CNTN5: variants seen among roughly 807,000 people sequenced by gnomAD.
CNTN5 encodes the protein contactin-5.
Under a neutral mutation model 129.1 loss-of-function variants are expected in CNTN5, and 77 were observed. That is an observed-to-expected ratio of 0.60 (90% CI 0.50 to 0.72). CNTN5 has a LOEUF of 0.72. Among genes scored for constraint, CNTN5 ranks in the 30% least tolerant of loss-of-function variants. The pLI is 0.00. For synonymous variants in CNTN5, 509 were observed against 465.6 expected, an observed-to-expected ratio of 1.09 and a Z score of -1.20; for missense variants, 1,478 against 1,328.8, an observed-to-expected ratio of 1.11 and a Z score of -1.75.
At chr11:99,602,429 A>G (rs1950342442) in intron 3 of CNTN5, among the ~76,000 whole-genome samples, 1 of 152,172 alleles carries the variant, frequency 6.6e-6, no homozygotes. Flanking sequence ...GTGTTAGGTG[A>G]GCCAAGAACA....
intron 1 of CNTN5, among the ~76,000 whole-genome samples, chr11:99,169,221 TTAA>T (rs1413598555): frequency 6.6e-6 from 1 of 152,188 alleles, no homozygotes; most frequent in East Asian, 1.9e-4. Context: ...TACTCATGAC[TTAA>T]TAGTTATGGC....
intron 1 of CNTN5, among the ~76,000 whole-genome samples, chr11:99,222,006 C>CT (rs890103046): frequency 4.6e-5 from 7 of 151,834 alleles, no homozygotes; most frequent in African/African-American, 1.4e-4. Flanking sequence ...GATACACATA[C>CT]TTTTTTTGTC....
At chr11:99,145,271 T>A (rs1044023517) in intron 1 of CNTN5, among the ~76,000 whole-genome samples, 4 of 152,116 alleles carry the variant, frequency 2.6e-5, no homozygotes, top group Admixed American at 1.3e-4. Flanking sequence ...GGTATCACTA[T>A]GTTGGCCAGG....
chr11:99,052,284 CT>C (rs1864458548), intron 1 of CNTN5, among the ~76,000 whole-genome samples: 1 of 151,708 alleles, frequency 6.6e-6, no homozygotes. Context: ...GGTAAAAAAT[CT>C]TGAAAAGTAC....
At chr11:99,611,771 A>T (rs1950598502) in intron 3 of CNTN5, among the ~76,000 whole-genome samples, 1 of 152,192 alleles carries the variant, frequency 6.6e-6, no homozygotes, top group African/African-American at 2.4e-5. Context: ...TCATTTGACC[A>T]GGAAACAAAA....
intron 3 of CNTN5, among the ~76,000 whole-genome samples, chr11:99,763,486 A>G (rs75963214): frequency 0.019 from 2,865 of 152,244 alleles, 90 homozygotes; most frequent in African/African-American, 0.064. Context: ...TATTGTGGAT[A>G]ATGTAGTTTT....
chr11:100,045,342 T>C (rs1755696505), intron 9 of CNTN5, among the ~76,000 whole-genome samples: 1 of 152,114 alleles, frequency 6.6e-6, no homozygotes, highest in South Asian at 2.1e-4. Flanking sequence ...GTTGTGTGTT[T>C]CTAGGTAAAT....
intron 3 of CNTN5, among the ~76,000 whole-genome samples, chr11:99,612,178 T>C (rs1193293639): frequency 6.6e-6 from 1 of 152,198 alleles, no homozygotes; most frequent in Non-Finnish European, 1.5e-5. Context: ...AGACTCATAA[T>C]TGTTCAACGG....
chr11:99,257,506 G>A (rs896618318), intron 1 of CNTN5, among the ~76,000 whole-genome samples: 1 of 151,836 alleles, frequency 6.6e-6, no homozygotes, highest in Admixed American at 6.6e-5. Flanking sequence ...CATAGTGATT[G>A]TTGCAGCCAA....
At position 99,499,683 on chromosome 11, in the gene CNTN5, C is replaced by A. The variant is rs374990939; in HGVS notation, c.-70-56462C>A. Among the ~76,000 whole-genome samples the A allele has an allele frequency of 6.6e-5, 10 of 152,156 alleles. No homozygotes were observed. The South Asian group carries it at 1.0e-3, about 16-fold the overall frequency. On this transcript the variant is annotated intron_variant, in intron 2 of 24. Transcript: ENST00000524871. ...GTTGACAAAAATTTATTTATTCTAA[C>A]AATTTTGAAAATGTTAGTCAACTCA...
intron 1 of CNTN5, among the ~76,000 whole-genome samples, chr11:99,074,595 C>A (rs1865484390): frequency 6.6e-6 from 1 of 152,096 alleles, no homozygotes. Flanking sequence ...CTTCAGCCTC[C>A]CAAATTGCTG....
At chr11:99,106,300 C>T (rs909845578) in intron 1 of CNTN5, among the ~76,000 whole-genome samples, 10 of 151,860 alleles carry the variant, frequency 6.6e-5, no homozygotes, top group African/African-American at 2.2e-4. Context: ...GTGCAGATAA[C>T]AAAATTTCAT....
intron 13 of CNTN5, among the ~76,000 whole-genome samples, chr11:100,168,357 A>C (rs1947711972): frequency 6.6e-6 from 1 of 152,010 alleles, no homozygotes; most frequent in Non-Finnish European, 1.5e-5. Context: ...GCCTGGCTTC[A>C]AAGCTGATTC....
intron 16 of CNTN5, among the ~76,000 whole-genome samples, chr11:100,249,679 T>G (rs1484674422): frequency 6.6e-6 from 1 of 152,186 alleles, no homozygotes; most frequent in Non-Finnish European, 1.5e-5. Flanking sequence ...TTAATCTATC[T>G]TCAATGATGC....
intron 1 of CNTN5, among the ~76,000 whole-genome samples, chr11:99,239,012 G>T (rs1861413617): frequency 6.6e-6 from 1 of 151,868 alleles, no homozygotes; most frequent in African/African-American, 2.4e-5. Context: ...TTTTTTACAG[G>T]TTTATGTAGT....
intron 3 of CNTN5, among the ~76,000 whole-genome samples, chr11:99,739,125 G>A (rs1473711833): frequency 6.6e-6 from 1 of 152,070 alleles, no homozygotes; most frequent in East Asian, 1.9e-4. Context: ...TGTCTTTATA[G>A]CTGTTCTCCA....
At chr11:99,859,552 T>C (rs1394294446) in intron 6 of CNTN5, among the ~76,000 whole-genome samples, 1 of 152,176 alleles carries the variant, frequency 6.6e-6, no homozygotes, top group Non-Finnish European at 1.5e-5. Context: ...CCTCTTTGTA[T>C]CCACATGTAC....
intron 2 of CNTN5, among the ~76,000 whole-genome samples, chr11:99,439,590 C>T (rs191423677): frequency 6.6e-6 from 1 of 151,410 alleles, no homozygotes; most frequent in East Asian, 2.0e-4. Context: ...CACCTGGAAT[C>T]CCAGCTATTC....
At chr11:100,204,530 C>T (rs148357807) in intron 15 of CNTN5, among the ~76,000 whole-genome samples, 153 of 150,160 alleles carry the variant, frequency 1.0e-3, no homozygotes, top group African/African-American at 3.7e-3. Context: ...GGCTAAAGTA[C>T]AGTAGTACAA....
Sources: allele counts gnomAD v4.1 joint callset (sites outside exome capture counted in the v4.1 genomes callset), GRCh38; gene constraint gnomAD v4.1.1; transcripts MANE v1.5; gene names NCBI Gene and HGNC (gene_info 2026-07-23, HGNC 2026-07-21).